The following DHX8 variants were observed in gnomAD, a reference collection of about 807,000 sequenced individuals.
DHX8 encodes ATP-dependent RNA helicase DHX8.
DHX8 carries 67 observed loss-of-function variants against 140.7 expected under a neutral mutation model. That is an observed-to-expected ratio of 0.48 (90% CI 0.39 to 0.58). The LOEUF is 0.58. Ranked by LOEUF, DHX8 falls within the 20% of genes least tolerant of loss-of-function variation. The pLI is 0.00. For missense variants in DHX8, 887 were observed against 1,550.7 expected, an observed-to-expected ratio of 0.57 and a Z score of 7.19; for synonymous variants, 533 against 553.2, an observed-to-expected ratio of 0.96 and a Z score of 0.51.
chr17:43,514,847 A>T (rs570646687), intron 17 of DHX8, among the ~76,000 whole-genome samples: 1 of 152,216 alleles, frequency 6.6e-6, no homozygotes, highest in Admixed American at 6.6e-5. Flanking sequence ...GGTGGTGTGT[A>T]TCTATATTTA....
chr17:43,534,129 C>T (rs1170964989), intron 2 of DHX8: 3 of 831,730 alleles, frequency 3.6e-6, no homozygotes, highest in Non-Finnish European at 5.1e-6. Context: ...TTCTGAGACC[C>T]GCAGTGAGAC....
chr17:43,494,809 C>T (rs1248725581), intron 8 of DHX8, among the ~76,000 whole-genome samples: 1 of 134,580 alleles, frequency 7.4e-6, no homozygotes, highest in Non-Finnish European at 1.6e-5. Flanking sequence ...GTTTTCTTTC[C>T]TTTTTTTTTT....
At chr17:43,529,584 A>G (rs750774903), downstream of DHX8, 6 of 1,614,140 alleles carry the variant, frequency 3.7e-6, no homozygotes, top group Non-Finnish European at 3.4e-6. Flanking sequence ...TCATCCAGCA[A>G]GGCCACCAGA....
intron 2 of DHX8, chr17:43,536,276 T>G: frequency 1.4e-6 from 1 of 724,526 alleles, no homozygotes; most frequent in Non-Finnish European, 2.4e-6. Context: ...TCAACCAAGG[T>G]TTTCATTCCA....
At chr17:43,515,735 C>T (rs1392494997) in intron 17 of DHX8, among the ~76,000 whole-genome samples, 6 of 152,274 alleles carry the variant, frequency 3.9e-5, no homozygotes, top group Admixed American at 1.3e-4. Flanking sequence ...ATTAGTTACA[C>T]ATGCCTGTCC....
intron 1 of DHX8, among the ~76,000 whole-genome samples, chr17:43,488,961 A>G (rs1281449588): frequency 6.6e-6 from 1 of 151,954 alleles, no homozygotes; most frequent in African/African-American, 2.4e-5. Flanking sequence ...ATATGTGTGG[A>G]TAATTTCAGC....
chr17:43,484,084 C>G lies in DHX8; in HGVS notation c.47C>G (p.Pro16Arg). The change falls in exon 1 of 23, where the codon CCA becomes CGA. Residue 16 changes from proline (P) to arginine (R), a missense_variant. Pro to Arg is a moderately radical substitution (Grantham distance 103). Transcript: ENST00000262415. ...AMAGALIGSE[P>R]GPAEELAKLE... ...GCGGGAGCCTTAATCGGGTCGGAGCCAGGCCCCGCGGAAGAACTTGCCAAA... is the reference window on the plus strand; with the variant it reads ...GCGGGAGCCTTAATCGGGTCGGAGCGAGGCCCCGCGGAAGAACTTGCCAAA... 2 of 1,614,164 alleles carry G rather than the reference C, an allele frequency of 1.2e-6. No individual in the cohort carries two copies. The highest frequency in any genetic ancestry group is 1.7e-6 in the Non-Finnish European group (2 of 1,180,030).
downstream of DHX8, among the ~76,000 whole-genome samples, chr17:43,527,191 C>CTG (rs1970642991): frequency 6.6e-6 from 1 of 152,202 alleles, no homozygotes; most frequent in Non-Finnish European, 1.5e-5. Context: ...CCTCAGGACT[C>CTG]TGATCTCTCC....
chr17:43,500,217 G>A lies in DHX8; in HGVS notation c.1546+114G>A, dbSNP rs1969105572. 5.7e-5 allele frequency: 69 copies of A among 1,200,678 alleles called. 1 individual carries two copies. The South Asian group carries it at 9.6e-4, about 17-fold the overall frequency. 74.4% of individuals were successfully genotyped at this position (1,200,678 alleles called of 1,614,324 possible). Reference sequence around the variant, plus strand: ...AATTTACCCTTGGGCCGGGGCGGTGGCTCATGCCTGTAATCCCAGCACTTT... The same window carrying A: ...AATTTACCCTTGGGCCGGGGCGGTGACTCATGCCTGTAATCCCAGCACTTT... On this transcript the variant is annotated intron_variant, in intron 11 of 22. Transcript: ENST00000262415.
intron 17 of DHX8, among the ~76,000 whole-genome samples, chr17:43,514,862 CAT>C (rs1165346911): frequency 6.6e-6 from 1 of 152,128 alleles, no homozygotes; most frequent in Non-Finnish European, 1.5e-5. Context: ...TATTTAATGA[CAT>C]AAACATGTAA....
intron 1 of DHX8, among the ~76,000 whole-genome samples, chr17:43,487,735 G>T (rs1034141052): frequency 6.6e-6 from 1 of 152,136 alleles, no homozygotes; most frequent in Non-Finnish European, 1.5e-5. Flanking sequence ...CCAGCACTTC[G>T]GGAGGCTGAG....
In DHX8 at chr17:43,504,886, T is replaced by C. The variant is rs947446387; in HGVS notation, c.1728+61T>C. Reference sequence around the variant, plus strand: ...GGGTTATTGTCTAAAAGAGGGGTGATATTTTTAAACTGAAACTAACGGGAC... The same window carrying C: ...GGGTTATTGTCTAAAAGAGGGGTGACATTTTTAAACTGAAACTAACGGGAC... On this transcript the variant is annotated intron_variant, in intron 12 of 22. Coordinates refer to ENST00000262415, the MANE Select transcript of DHX8 (RefSeq NM_004941.3). 7 of 1,476,922 alleles carry C rather than the reference T, an allele frequency of 4.7e-6. No homozygotes were observed. The African/African-American group carries it at 9.9e-5, about 21-fold the overall frequency. The allele number at this position is 1,476,922 out of a possible 1,614,324, so 91.5% of individuals were successfully genotyped here.
Position 43,524,470 on chromosome 17 carries a change from G to A in DHX8, c.*623G>A, listed in dbSNP as rs62080719. The A allele has an allele frequency of 1.6e-3, 1,580 of 987,376 alleles. No homozygotes were observed. The highest frequency in any genetic ancestry group is 1.8e-3 in the Non-Finnish European group (1,512 of 831,462). The allele number at this position is 987,376 out of a possible 1,614,324, so 61.2% of individuals were successfully genotyped here. On this transcript the variant is annotated 3_prime_UTR_variant, in exon 23 of 23. Transcript: ENST00000262415. The stretch of plus-strand genomic sequence containing the variant: ...CAGAACGCAGGGCCTCTTTGCGCTC[G>A]GAAACGACGTACAACCCAGACTTCC...
intron 4 of DHX8, among the ~76,000 whole-genome samples, chr17:43,491,527 A>ATTT (rs4038474): frequency 6.8e-6 from 1 of 147,814 alleles, no homozygotes. Flanking sequence ...GTGAAATTAG[A>ATTT]TTTTTTTTTT....
chr17:43,508,448 C>G lies in DHX8; in HGVS notation c.2430C>G (p.Leu810=), dbSNP rs759515524. 12 of 1,613,754 alleles carry G rather than the reference C, an allele frequency of 7.4e-6. No homozygotes were observed. Among genetic ancestry groups the G allele is most frequent in the Non-Finnish European group, 1.0e-5 (12 of 1,179,924 alleles). ...LGPDVPELII[L]PVYSALPSEM... ...CTGATGTTCCAGAGTTAATTATCCT[C>G]CCAGTGTACTCTGCTCTTCCCAGTG... Residue 810 remains leucine (L), a synonymous_variant, in exon 16 of 23, where the codon CTC becomes CTG. Transcript: ENST00000262415.
chr17:43,503,806 C>T (rs1350587834), intron 11 of DHX8, among the ~76,000 whole-genome samples: 2 of 152,188 alleles, frequency 1.3e-5, no homozygotes, highest in African/African-American at 2.4e-5. Context: ...TGGGGAGTAA[C>T]TGCTAATGGG....
chr17:43,484,191 C>T lies in DHX8; in HGVS notation c.148+6C>T, dbSNP rs778579113. 2 of 1,612,654 alleles carry T rather than the reference C, an allele frequency of 1.2e-6. No homozygotes were observed. The highest frequency in any genetic ancestry group is 1.7e-5 in the Admixed American group (1 of 59,864). On this transcript the variant is annotated splice_donor_region_variant and intron_variant, in intron 1 of 22. Coordinates refer to ENST00000262415, the MANE Select transcript of DHX8 (RefSeq NM_004941.3). ...GATCAACGACAAGGACCTTGGTGAGCTCGGGGAGGTCCCTGGGACCTCAGT... is the reference window on the plus strand; with the variant it reads ...GATCAACGACAAGGACCTTGGTGAGTTCGGGGAGGTCCCTGGGACCTCAGT...
chr17:43,493,338 C>T, intron 6 of DHX8, 107 bp from the exon 7 acceptor site: 1 of 1,446,192 alleles, frequency 6.9e-7, no homozygotes, highest in Non-Finnish European at 9.4e-7. Flanking sequence ...TGGTACTTTT[C>T]TCTTGAGTTT....
intron 5 of DHX8, 88 bp from the exon 6 acceptor site, chr17:43,492,593 T>C (rs538058232): frequency 5.3e-6 from 4 of 753,136 alleles, no homozygotes; most frequent in African/African-American, 1.8e-5. Context: ...GTACCTACCA[T>C]GTGCATGGCA....
Sources: gnomAD v4.1 joint callset for allele counts (sites outside exome capture counted in the v4.1 genomes callset) on GRCh38, gnomAD v4.1.1 for gene constraint, MANE v1.5 for transcripts, NCBI Gene and HGNC (gene_info 2026-07-23, HGNC 2026-07-21) for gene names.